Variants in GALNTL6 observed in about 807,000 individuals in gnomAD.
GALNTL6 encodes the protein polypeptide N-acetylgalactosaminyltransferase like 6.
A neutral mutation model predicts 73.7 loss-of-function variants in GALNTL6; 46 were observed. The observed-to-expected ratio is 0.62, with a 90% CI of 0.49 to 0.80. The LOEUF (loss-of-function observed/expected upper bound fraction) is 0.80. Ranked by LOEUF, GALNTL6 falls within the 30% of genes least tolerant of loss-of-function variation. GALNTL6 has a pLI of 0.00. For missense variants in GALNTL6, 604 were observed against 755.0 expected (o/e 0.80, Z 2.34); for synonymous variants, 259 against 263.7 (o/e 0.98, Z 0.17).
intron 2 of GALNTL6, among the ~76,000 whole-genome samples, chr4:171,963,665 G>A (rs1046104408): frequency 2.0e-5 from 3 of 152,072 alleles, no homozygotes; most frequent in Non-Finnish European, 4.4e-5. Flanking sequence ...AATGTAAATC[G>A]CTTACTTAAA....
intron 2 of GALNTL6, among the ~76,000 whole-genome samples, chr4:171,853,412 T>G (rs1276411942): frequency 1.3e-5 from 2 of 151,722 alleles, no homozygotes; most frequent in East Asian, 1.9e-4. Flanking sequence ...CTATCTTTTC[T>G]TCCTCCTTTA....
intron 2 of GALNTL6, among the ~76,000 whole-genome samples, chr4:171,988,253 T>C (rs905015092): frequency 3.3e-5 from 5 of 152,170 alleles, no homozygotes; most frequent in Non-Finnish European, 7.3e-5. Context: ...GTTCTTGTTT[T>C]GTAAGGGATT....
chr4:171,847,170 A>T (rs78179426), intron 2 of GALNTL6, among the ~76,000 whole-genome samples: 1,825 of 152,052 alleles, frequency 0.012, 33 homozygotes, highest in African/African-American at 0.041. Flanking sequence ...GATATTGCAG[A>T]TTTGGTTCCA....
intron 12 of GALNTL6, among the ~76,000 whole-genome samples, chr4:173,032,586 G>A (rs561541497): frequency 2.0e-5 from 3 of 152,344 alleles, no homozygotes; most frequent in East Asian, 3.9e-4. Flanking sequence ...TACTCAGGCT[G>A]AGAGGGAACG....
chr4:172,080,014 T>C (rs1424856313), intron 2 of GALNTL6, among the ~76,000 whole-genome samples: 3 of 152,178 alleles, frequency 2.0e-5, no homozygotes. Flanking sequence ...ACTTATATTT[T>C]ATGTGTGATT....
At chr4:172,893,343 GGC>G (rs146336331) in intron 8 of GALNTL6, among the ~76,000 whole-genome samples, 16,956 of 135,804 alleles carry the variant, frequency 0.12, 1,110 homozygotes, top group Non-Finnish European at 0.16. Flanking sequence ...TTCTGAGAGT[GGC>G]GGGGGGGGGG....
intron 3 of GALNTL6, among the ~76,000 whole-genome samples, chr4:172,248,215 C>G (rs1318073254): frequency 6.6e-6 from 1 of 152,142 alleles, no homozygotes; most frequent in East Asian, 1.9e-4. Flanking sequence ...TTAACATGAT[C>G]ATGAAAGTAC....
chr4:172,738,740 T>C (rs1736617163), intron 5 of GALNTL6, among the ~76,000 whole-genome samples: 1 of 152,160 alleles, frequency 6.6e-6, no homozygotes, highest in Non-Finnish European at 1.5e-5. Flanking sequence ...CTTGGTTTTA[T>C]ACATTTTAGG....
intron 2 of GALNTL6, among the ~76,000 whole-genome samples, chr4:172,170,722 G>T (rs767313962): frequency 1.3e-5 from 2 of 151,932 alleles, no homozygotes; most frequent in Non-Finnish European, 2.9e-5. Flanking sequence ...TGTTGGCCAG[G>T]CTGGTTTTGA....
rs184838949 is a variant in GALNTL6 at position 172,524,290 on chromosome 4, C to T, written c.553+175601C>T. ...TTGAGACAGAGTCTCACTCTGTCGCCCAGGCTGGAGTGCAGTGGTGCAGTC... is the reference window on the plus strand; with the variant it reads ...TTGAGACAGAGTCTCACTCTGTCGCTCAGGCTGGAGTGCAGTGGTGCAGTC... On this transcript the variant is annotated intron_variant, in intron 5 of 12. Transcript: ENST00000506823. 1.7e-3 allele frequency among the ~76,000 whole-genome samples: 250 copies of T among 151,344 alleles called. 5 individuals are homozygous for T. The highest frequency in any genetic ancestry group is 0.014 in the Admixed American group (213 of 15,176).
chr4:172,552,524 TTTTGC>T (rs1247877260), intron 5 of GALNTL6, among the ~76,000 whole-genome samples: 3 of 152,082 alleles, frequency 2.0e-5, no homozygotes, highest in African/African-American at 7.2e-5. Flanking sequence ...CCAATGTTTG[TTTTGC>T]TAAAACATAA....
At chr4:172,732,912 C>T (rs1385668969) in intron 5 of GALNTL6, among the ~76,000 whole-genome samples, 1 of 152,212 alleles carries the variant, frequency 6.6e-6, no homozygotes, top group African/African-American at 2.4e-5. Flanking sequence ...AATTACCTAT[C>T]TCTTAACAGG....
chr4:172,366,712 AT>A (rs1029151795), intron 5 of GALNTL6, among the ~76,000 whole-genome samples: 3 of 152,114 alleles, frequency 2.0e-5, no homozygotes, highest in African/African-American at 7.2e-5. Flanking sequence ...CCTAACCTTG[AT>A]TTTTTCTCTT....
At chr4:171,996,974 C>T (rs1398833146) in intron 2 of GALNTL6, among the ~76,000 whole-genome samples, 1 of 152,106 alleles carries the variant, frequency 6.6e-6, no homozygotes, top group South Asian at 2.1e-4. Flanking sequence ...TAACAAACAA[C>T]ATTCTTTGCC....
At chr4:172,430,017 A>G (rs1579064370) in intron 5 of GALNTL6, among the ~76,000 whole-genome samples, 1 of 152,142 alleles carries the variant, frequency 6.6e-6, no homozygotes, top group East Asian at 1.9e-4. Context: ...ATTTAATTTT[A>G]TAGAATTTCT....
At chr4:172,051,990 T>C (rs1172710993) in intron 2 of GALNTL6, among the ~76,000 whole-genome samples, 2 of 152,160 alleles carry the variant, frequency 1.3e-5, no homozygotes, top group Admixed American at 6.5e-5. Context: ...TTATCAGCAC[T>C]GTCATACAGC....
At chr4:172,618,651 T>TA (rs1738836650) in intron 5 of GALNTL6, among the ~76,000 whole-genome samples, 1 of 152,184 alleles carries the variant, frequency 6.6e-6, no homozygotes. Flanking sequence ...ATTGTTTTTT[T>TA]AAAAAATTCT....
intron 2 of GALNTL6, among the ~76,000 whole-genome samples, chr4:171,995,150 G>GA (rs1439647808): frequency 2.0e-5 from 3 of 151,804 alleles, no homozygotes; most frequent in East Asian, 3.9e-4. Flanking sequence ...ATTGTAATCA[G>GA]AAAAAAGTGT....
chr4:172,568,624 G>A (rs1222506664), intron 5 of GALNTL6, among the ~76,000 whole-genome samples: 3 of 151,442 alleles, frequency 2.0e-5, no homozygotes, highest in East Asian at 3.9e-4. Flanking sequence ...CGGGCGTGAT[G>A]GTGGGCGCCT....
Sources: allele counts gnomAD v4.1 joint callset (sites outside exome capture counted in the v4.1 genomes callset), GRCh38; gene constraint gnomAD v4.1.1; transcripts MANE v1.5; gene names NCBI Gene and HGNC (gene_info 2026-07-23, HGNC 2026-07-21).